The following VIT variants were observed in gnomAD, a reference collection of about 807,000 sequenced individuals.
The protein encoded by VIT is vitrin.
A neutral mutation model predicts 78.0 loss-of-function variants in VIT; 99 were observed. The observed-to-expected ratio is 1.27, with a 90% CI of 1.08 to 1.50. The LOEUF is 1.50. Among genes scored for constraint, VIT ranks in the 40% most tolerant of loss-of-function variants. VIT has a pLI of 0.00. For missense variants in VIT, 1,126 were observed against 875.3 expected (o/e 1.29, Z -3.61); for synonymous variants, 374 against 334.3 (o/e 1.12, Z -1.29).
At chr2:36,767,613 T>A (rs1415983332) in intron 7 of VIT, among the ~76,000 whole-genome samples, 1 of 152,194 alleles carries the variant, frequency 6.6e-6, no homozygotes. Context: ...AAGTGACAAA[T>A]GGTACAGACT....
At chr2:36,738,732 G>A (rs1226877734) in intron 3 of VIT, among the ~76,000 whole-genome samples, 1 of 152,194 alleles carries the variant, frequency 6.6e-6, no homozygotes, top group African/African-American at 2.4e-5. Context: ...AATGATTCAA[G>A]CTAAGTGTGC....
At chr2:36,748,287 G>A (rs72783187) in intron 4 of VIT, among the ~76,000 whole-genome samples, 1 of 152,054 alleles carries the variant, frequency 6.6e-6, no homozygotes, top group African/African-American at 2.4e-5. Flanking sequence ...GAGACTGAGG[G>A]AATTTTCATG....
chr2:36,785,340 C>T (rs1212446700), intron 11 of VIT, among the ~76,000 whole-genome samples: 1 of 151,998 alleles, frequency 6.6e-6, no homozygotes, highest in African/African-American at 2.4e-5. Flanking sequence ...TGCTAGTAGG[C>T]GGCAAACCCT....
chr2:36,745,468 C>G (rs1300212053), intron 4 of VIT, among the ~76,000 whole-genome samples: 1 of 152,004 alleles, frequency 6.6e-6, no homozygotes, highest in Non-Finnish European at 1.5e-5. Context: ...TCCATTTGTT[C>G]ATGTCATCTC....
chr2:36,711,969 CTT>C (rs1665829420), intron 1 of VIT, among the ~76,000 whole-genome samples: 1 of 152,156 alleles, frequency 6.6e-6, no homozygotes, highest in Admixed American at 6.5e-5. Context: ...GTAACACATT[CTT>C]TTGGAAGCCC....
At chr2:36,732,020 A>T (rs1419650364) in intron 3 of VIT, among the ~76,000 whole-genome samples, 2 of 152,242 alleles carry the variant, frequency 1.3e-5, no homozygotes, top group African/African-American at 4.8e-5. Context: ...AATACTAAAA[A>T]GGAATCAGTT....
At chr2:36,750,270 C>T (rs1056478721) in intron 4 of VIT, among the ~76,000 whole-genome samples, 2 of 152,238 alleles carry the variant, frequency 1.3e-5, no homozygotes, top group Admixed American at 1.3e-4. Flanking sequence ...ACATGCCTCC[C>T]ACACATACTT....
At chr2:36,717,038 G>A (rs1480456078) in intron 2 of VIT, among the ~76,000 whole-genome samples, 1 of 151,616 alleles carries the variant, frequency 6.6e-6, no homozygotes, top group Non-Finnish European at 1.5e-5. Flanking sequence ...CACCATGCCT[G>A]GTTAATTTTT....
intron 3 of VIT, among the ~76,000 whole-genome samples, chr2:36,738,296 T>C (rs561252268): frequency 1.3e-5 from 2 of 152,304 alleles, no homozygotes; most frequent in South Asian, 4.1e-4. Context: ...TTTATAGGCC[T>C]GAGTTCAGGT....
intron 12 of VIT, among the ~76,000 whole-genome samples, chr2:36,795,430 G>A (rs1040255209): frequency 2.0e-5 from 3 of 147,770 alleles, no homozygotes; most frequent in African/African-American, 7.5e-5. Context: ...TTATTGAGAC[G>A]GAGTTTCGCT....
chr2:36,745,870 C>T (rs957715569), intron 4 of VIT, among the ~76,000 whole-genome samples: 26 of 152,120 alleles, frequency 1.7e-4, no homozygotes, highest in Non-Finnish European at 3.7e-4. Context: ...AGTGAACATG[C>T]TTGTCTTGTT....
chr2:36,709,340 A>T (rs1665658431), intron 1 of VIT, among the ~76,000 whole-genome samples: 1 of 152,148 alleles, frequency 6.6e-6, no homozygotes. Flanking sequence ...CATGCTTCCA[A>T]TTCCTTACCT....
chr2:36,814,158 G>A, intron 15 of VIT, 25 bp from the exon 16 acceptor site: 1 of 1,603,762 alleles, frequency 6.2e-7, no homozygotes, highest in East Asian at 2.2e-5. Context: ...GGGGACATTT[G>A]TTCATCTAAC....
rs954704312 is a variant in VIT at position 36,724,526 on chromosome 2, G to C, written c.53-4900G>C. 2.0e-5 allele frequency among the ~76,000 whole-genome samples: 3 copies of C among 152,352 alleles called. No individual in the cohort carries two copies. The South Asian group carries it at 6.2e-4, about 32-fold the overall frequency. ...CAATTTACCATTTCCAGTGTAGCAA[G>C]AGGGGGATTGCTGGGGAGGAGTGAA... is the stretch of plus-strand genomic sequence containing the variant. On this transcript the variant is annotated intron_variant, in intron 2 of 15. Transcript: ENST00000379242.
intron 15 of VIT, among the ~76,000 whole-genome samples, chr2:36,810,026 C>T (rs72867902): frequency 0.17 from 25,604 of 148,208 alleles, 4,848 homozygotes; most frequent in African/African-American, 0.48. Context: ...GCACAATGGC[C>T]CACGCCTGTG....
At chr2:36,749,358 G>A (rs1266135559) in intron 4 of VIT, among the ~76,000 whole-genome samples, 1 of 152,142 alleles carries the variant, frequency 6.6e-6, no homozygotes, top group Non-Finnish European at 1.5e-5. Context: ...AGGAAGACAG[G>A]AGGCATGGCA....
Position 36,711,876 on chromosome 2 carries a change from A to G in VIT, c.-18-4477A>G, listed in dbSNP as rs1665823531. On this transcript the variant is annotated intron_variant, in intron 1 of 15. Coordinates refer to ENST00000379242, the MANE Select transcript of VIT (RefSeq NM_053276.4). ...TAATGTATACTCTTTTTTCACAACC[A>G]GGCTTCATTTGCCTCACCAGAACTA... 3.3e-5 allele frequency among the ~76,000 whole-genome samples: 5 copies of G among 152,224 alleles called. No individual in the cohort carries two copies. The South Asian group carries it at 1.0e-3, about 31-fold the overall frequency.
intron 2 of VIT, among the ~76,000 whole-genome samples, chr2:36,727,596 G>T (rs1316460351): frequency 1.3e-5 from 2 of 152,232 alleles, no homozygotes; most frequent in Non-Finnish European, 2.9e-5. Context: ...TCCAAGAGGT[G>T]CCTTTCAAGG....
intron 15 of VIT, among the ~76,000 whole-genome samples, chr2:36,813,792 T>C (rs1437709709): frequency 6.6e-6 from 1 of 152,230 alleles, no homozygotes; most frequent in Non-Finnish European, 1.5e-5. Context: ...GTGTCATGTA[T>C]TCTGATCTGC....
Sources: gnomAD v4.1 joint callset for allele counts (sites outside exome capture counted in the v4.1 genomes callset) on GRCh38, gnomAD v4.1.1 for gene constraint, MANE v1.5 for transcripts, NCBI Gene and HGNC (gene_info 2026-07-23, HGNC 2026-07-21) for gene names.